Variants in ARRB1 observed in about 807,000 individuals in gnomAD.
ARRB1 encodes the protein arrestin beta 1, also known as beta-arrestin-1.
Under a neutral mutation model 56.8 loss-of-function variants are expected in ARRB1, and 21 were observed. The ratio of observed to expected loss-of-function variants is 0.37; its 90% CI spans 0.26 to 0.53. The LOEUF (loss-of-function observed/expected upper bound fraction) is 0.53, where lower values mean the gene tolerates loss of function less well. Ranked by LOEUF, ARRB1 falls within the 20% of genes least tolerant of loss-of-function variation. The pLI, the probability that ARRB1 is intolerant of heterozygous loss-of-function variation, is 0.88. For synonymous variants in ARRB1, 210 were observed against 218.6 expected (o/e 0.96, Z 0.35); for missense variants, 424 against 553.7 (o/e 0.77, Z 2.35).
chr11:75,269,302 C>G (rs1946019396), intron 13 of ARRB1: 1 of 443,772 alleles, frequency 2.3e-6, no homozygotes, highest in East Asian at 5.6e-5. Flanking sequence ...CCTGGGACCC[C>G]CCCCCACCTC....
At chr11:75,296,735 C>A (rs947313584) in intron 1 of ARRB1, among the ~76,000 whole-genome samples, 3 of 151,808 alleles carry the variant, frequency 2.0e-5, no homozygotes, top group Admixed American at 6.6e-5. Flanking sequence ...TGGAGTACAG[C>A]GGCACCAGCG....
At chr11:75,331,788 G>C (rs904653687) in intron 1 of ARRB1, among the ~76,000 whole-genome samples, 3 of 151,908 alleles carry the variant, frequency 2.0e-5, no homozygotes, top group Non-Finnish European at 4.4e-5. Flanking sequence ...ACACGGACTC[G>C]AGTGAAACTC....
intron 1 of ARRB1, among the ~76,000 whole-genome samples, chr11:75,308,832 G>C (rs368853912): frequency 6.6e-6 from 1 of 152,236 alleles, no homozygotes; most frequent in South Asian, 2.1e-4. Context: ...TCTCCTGGGC[G>C]CAAGTGAGCC....
intron 1 of ARRB1, among the ~76,000 whole-genome samples, chr11:75,307,426 A>G (rs1333305873): frequency 6.6e-6 from 1 of 152,102 alleles, no homozygotes; most frequent in East Asian, 1.9e-4. Context: ...CTCCTGCAGG[A>G]TGGAGGCCAT....
At chr11:75,331,667 G>C (rs867625765) in intron 1 of ARRB1, among the ~76,000 whole-genome samples, 2 of 144,254 alleles carry the variant, frequency 1.4e-5, no homozygotes, top group Admixed American at 1.4e-4. Flanking sequence ...CTTATAAAAC[G>C]GCCCCACCCC....
chr11:75,282,135 G>T, intron 5 of ARRB1, 114 bp from the exon 6 acceptor site: 1 of 1,076,346 alleles, frequency 9.3e-7, no homozygotes, highest in Non-Finnish European at 1.4e-6. Flanking sequence ...CAGGGGACAG[G>T]CCATGTCTAT....
intron 1 of ARRB1, among the ~76,000 whole-genome samples, chr11:75,328,268 A>T (rs1947471784): frequency 6.6e-6 from 1 of 152,200 alleles, no homozygotes; most frequent in Non-Finnish European, 1.5e-5. Flanking sequence ...TATAGCATGG[A>T]TCAGTATTTC....
Position 75,281,946 on chromosome 11 carries a change from C to T in ARRB1, c.414+16G>A. The T allele has an allele frequency of 1.2e-6, 2 of 1,613,698 alleles. No homozygotes were observed. The highest frequency in any genetic ancestry group is 1.7e-6 in the Non-Finnish European group (2 of 1,179,636). ...ACTCCTGGAGCCAGAGAGATGGTCC[C>T]CTTGGGGTGACCTACCTTCCCCGTG... On this transcript the variant is annotated intron_variant, in intron 6 of 15. Transcript: ENST00000420843.
chr11:75,322,304 G>A (rs1347757534), intron 1 of ARRB1, among the ~76,000 whole-genome samples: 2 of 152,188 alleles, frequency 1.3e-5, no homozygotes, highest in South Asian at 2.1e-4. Context: ...TCAGGAGTTC[G>A]AGACCAGTCT....
chr11:75,333,386 C>G (rs1947550177), intron 1 of ARRB1, among the ~76,000 whole-genome samples: 1 of 152,186 alleles, frequency 6.6e-6, no homozygotes, highest in African/African-American at 2.4e-5. Context: ...CAGCTTCTTG[C>G]CAACCAGTTC....
At chr11:75,312,216 T>A in intron 1 of ARRB1, 1 of 1,170,198 alleles carries the variant, frequency 8.5e-7, no homozygotes, top group Non-Finnish European at 1.1e-6. Context: ...CTAGGAATGA[T>A]GGGAAATGCA....
Position 75,334,466 on chromosome 11 carries a change from G to A in ARRB1, c.20+17122C>T, listed in dbSNP as rs1274935870. Among the ~76,000 whole-genome samples, 4 of 152,140 alleles carry A rather than the reference G, an allele frequency of 2.6e-5. No individual in the cohort carries two copies. In the East Asian group the frequency reaches 7.7e-4, roughly 29 times the overall value. ...AGCCTAATACCAGGCCTGGCACACA[G>A]CAGGTTAATTTGACAGACAGCAGGA... On this transcript the variant is annotated intron_variant, in intron 1 of 15. Coordinates refer to ENST00000420843, the MANE Select transcript of ARRB1 (RefSeq NM_004041.5).
intron 15 of ARRB1, 23 bp from the exon 16 acceptor site, chr11:75,266,297 TGTG>T: frequency 1.3e-6 from 2 of 1,599,180 alleles, no homozygotes; most frequent in Non-Finnish European, 1.7e-6. Context: ...ACAAGGAAAA[TGTG>T]GTGTGTTTGC....
rs550683144 is a variant in ARRB1 at position 75,308,558 on chromosome 11, A to G, written c.21-18519T>C. On this transcript the variant is annotated intron_variant, in intron 1 of 15. Transcript: ENST00000420843. Reference sequence around the variant, plus strand: ...CAGGAATTCAAGACCAGCCTGGCCAACATGGTGAAACCCTGTCTCTACTAA... The same window carrying G: ...CAGGAATTCAAGACCAGCCTGGCCAGCATGGTGAAACCCTGTCTCTACTAA... Among the ~76,000 whole-genome samples, 3 of 152,318 alleles carry G rather than the reference A, an allele frequency of 2.0e-5. No individual in the cohort carries two copies. In the East Asian group the frequency reaches 5.8e-4, roughly 29 times the overall value.
chr11:75,299,756 A>G (rs1276222546), intron 1 of ARRB1, among the ~76,000 whole-genome samples: 1 of 152,210 alleles, frequency 6.6e-6, no homozygotes, highest in Non-Finnish European at 1.5e-5. Flanking sequence ...AGCAACAATG[A>G]AAGTAGAGAT....
chr11:75,293,523 C>T (rs1307695083), intron 1 of ARRB1, among the ~76,000 whole-genome samples: 2 of 152,206 alleles, frequency 1.3e-5, no homozygotes, highest in Non-Finnish European at 2.9e-5. Flanking sequence ...AGAGCAAGCA[C>T]ACACGTCCAA....
intron 11 of ARRB1, among the ~76,000 whole-genome samples, chr11:75,273,230 C>A (rs1946111351): frequency 6.6e-6 from 1 of 152,200 alleles, no homozygotes; most frequent in Admixed American, 6.5e-5. Flanking sequence ...CCTCTCCCTG[C>A]CCAGGCCAGC....
Position 75,323,803 on chromosome 11 carries a change from C to T in ARRB1, c.20+27785G>A, listed in dbSNP as rs114803418. Among the ~76,000 whole-genome samples the T allele has an allele frequency of 3.1e-3, 478 of 152,162 alleles. 4 individuals carry two copies. The highest frequency in any genetic ancestry group is 0.011 in the African/African-American group (436 of 41,494). ...TCCAGGCTCTGCCTTCAGGAAGTGACGGGATAGCTCCAAAGCTAATCATTT... is the reference window on the plus strand; with the variant it reads ...TCCAGGCTCTGCCTTCAGGAAGTGATGGGATAGCTCCAAAGCTAATCATTT... On this transcript the variant is annotated intron_variant, in intron 1 of 15. Transcript: ENST00000420843.
At chr11:75,313,209 G>T (rs1217618055) in intron 1 of ARRB1, among the ~76,000 whole-genome samples, 1 of 152,138 alleles carries the variant, frequency 6.6e-6, no homozygotes, top group Admixed American at 6.6e-5. Flanking sequence ...AAAAATTACG[G>T]GCGTGGTGGC....
Sources: gnomAD v4.1 joint callset for allele counts (sites outside exome capture counted in the v4.1 genomes callset) on GRCh38, gnomAD v4.1.1 for gene constraint, MANE v1.5 for transcripts, NCBI Gene and HGNC (gene_info 2026-07-23, HGNC 2026-07-21) for gene names.